The following C1orf87 variants were observed in gnomAD, a reference collection of about 807,000 sequenced individuals.
C1orf87 encodes the protein uncharacterized protein C1orf87.
C1orf87 carries 58 observed loss-of-function variants against 60.5 expected under a neutral mutation model. The observed-to-expected ratio is 0.96, with a 90% confidence interval of 0.78 to 1.19. The LOEUF is 1.19. Among genes scored for constraint, C1orf87 ranks in the 50% most tolerant of loss-of-function variants. The pLI, the probability that C1orf87 is intolerant of heterozygous loss-of-function variation, is 0.00. For synonymous variants in C1orf87, 236 were observed against 227.4 expected, an observed-to-expected ratio of 1.04 and a Z score of -0.34; for missense variants, 673 against 638.6, an observed-to-expected ratio of 1.05 and a Z score of -0.58.
intron 7 of C1orf87, among the ~76,000 whole-genome samples, chr1:60,027,016 C>T (rs901796778): frequency 3.9e-5 from 6 of 152,292 alleles, no homozygotes; most frequent in African/African-American, 1.2e-4. Flanking sequence ...TCCAACAAAA[C>T]GTTCAAAATC....
intron 7 of C1orf87, among the ~76,000 whole-genome samples, chr1:60,033,075 T>C (rs1316202390): frequency 3.3e-5 from 5 of 152,206 alleles, no homozygotes; most frequent in African/African-American, 1.2e-4. Context: ...GTAGCCTCTA[T>C]TGGCAGTAAA....
chr1:59,991,748 A>G (rs1644925017), intron 11 of C1orf87, among the ~76,000 whole-genome samples: 1 of 152,192 alleles, frequency 6.6e-6, no homozygotes, highest in Admixed American at 6.5e-5. Flanking sequence ...TGGTACCCAC[A>G]CATTATATAT....
At chr1:60,050,685 G>T (rs1645408184) in intron 3 of C1orf87, among the ~76,000 whole-genome samples, 1 of 151,942 alleles carries the variant, frequency 6.6e-6, no homozygotes, top group Non-Finnish European at 1.5e-5. Flanking sequence ...TTAAAAGCCA[G>T]CGGAGACAGT....
At position 60,042,696 on chromosome 1, in the gene C1orf87, T is replaced by C. The variant is rs543138231; in HGVS notation, c.343-1565A>G. ...AAGGTAGGTAGTACTAGCAACCTTT[T>C]ACATTTGGAAAGCCAAGGCTTGCAG... On this transcript the variant is annotated intron_variant, in intron 3 of 11. Transcript: ENST00000371201. Among the ~76,000 whole-genome samples, 45 of 152,368 alleles carry C rather than the reference T, an allele frequency of 3.0e-4. 2 individuals carry two copies. The South Asian group carries it at 7.0e-3, about 24-fold the overall frequency.
intron 3 of C1orf87, among the ~76,000 whole-genome samples, chr1:60,051,377 G>T (rs1321162836): frequency 1.3e-5 from 2 of 152,156 alleles, no homozygotes; most frequent in East Asian, 3.8e-4. Flanking sequence ...GATGTTAGTG[G>T]ATATGACACA....
At chr1:59,992,779 T>C (rs1197664029) in intron 11 of C1orf87, among the ~76,000 whole-genome samples, 2 of 152,242 alleles carry the variant, frequency 1.3e-5, no homozygotes, top group Non-Finnish European at 2.9e-5. Flanking sequence ...TACTCTCTAA[T>C]CGCTATTTTT....
At chr1:60,011,035 G>A (rs573271986) in intron 8 of C1orf87, 1 of 151,902 alleles carries the variant, frequency 6.6e-6, no homozygotes, top group Non-Finnish European at 1.5e-5. Context: ...GTTTCAGAAA[G>A]GTTCTTTCTA....
intron 3 of C1orf87, among the ~76,000 whole-genome samples, chr1:60,052,941 T>C (rs1415600776): frequency 3.3e-5 from 5 of 152,190 alleles, no homozygotes; most frequent in African/African-American, 1.2e-4. Context: ...CCACAAGGCC[T>C]TCCTTGTTTG....
chr1:59,997,766 T>G lies in C1orf87; in HGVS notation c.1323A>C (p.Ser441=). The G allele has an allele frequency of 6.2e-7, 1 of 1,613,922 alleles. No individual in the cohort carries two copies. The change falls in exon 11 of 12, where the codon TCA becomes TCC. Residue 441 remains serine (S), a synonymous_variant. Coordinates refer to ENST00000371201, the MANE Select transcript of C1orf87 (RefSeq NM_152377.3). ...LQPESSPAET[S]ACKDPLKPLK... ...AAGGTTTCAGAGGATCTTTGCAGGC[T>G]GAAGTTTCAGCAGGAGAGCTTTCTG...
chr1:60,037,997 G>C lies in C1orf87; in HGVS notation c.858C>G (p.Ser286Arg), dbSNP rs917565399. The change falls in exon 6 of 12, where the codon AGC becomes AGG. Residue 286 changes from serine to arginine, a missense_variant. Physicochemically the swap from Ser to Arg is moderately radical, Grantham distance 110. Coordinates refer to ENST00000371201, the MANE Select transcript of C1orf87 (RefSeq NM_152377.3). ...LRKTESHGTH[S>R]QSTPPQHSSS... ...ACAAAAAGGGAGAAGAGTACCTTTG[G>C]CTATGAGTGCCATGACTCTCAGTTT... is the stretch of plus-strand genomic sequence containing the variant. The C allele has an allele frequency of 1.9e-6, 3 of 1,603,418 alleles. No individual in the cohort carries two copies. The highest frequency in any genetic ancestry group is 2.7e-5 in the African/African-American group (2 of 74,748).
intron 3 of C1orf87, among the ~76,000 whole-genome samples, chr1:60,051,538 C>G (rs1387076247): frequency 6.6e-6 from 1 of 152,142 alleles, no homozygotes; most frequent in East Asian, 1.9e-4. Context: ...CACTTTAGAG[C>G]CAAGCCCAGC....
chr1:60,064,364 T>C (rs1645520990), intron 2 of C1orf87, among the ~76,000 whole-genome samples: 1 of 127,196 alleles, frequency 7.9e-6, no homozygotes, highest in South Asian at 2.7e-4. Context: ...ATATATAATA[T>C]ATATATACAC....
chr1:60,014,874 G>C (rs543306703), intron 8 of C1orf87, among the ~76,000 whole-genome samples: 48 of 152,258 alleles, frequency 3.2e-4, no homozygotes, highest in Admixed American at 3.1e-3. Flanking sequence ...ATCCCACCAA[G>C]CTCAGCTGAG....
intron 2 of C1orf87, among the ~76,000 whole-genome samples, chr1:60,058,293 A>C (rs1645471174): frequency 6.6e-6 from 1 of 152,192 alleles, no homozygotes; most frequent in Non-Finnish European, 1.5e-5. Context: ...TGTTTATTGC[A>C]TGAGTATATC....
chr1:60,051,115 C>G (rs758805601), intron 3 of C1orf87, among the ~76,000 whole-genome samples: 18 of 152,060 alleles, frequency 1.2e-4, no homozygotes, highest in South Asian at 4.2e-4. Context: ...GAACAGAACT[C>G]TATTTATGGA....
rs562209485 is a variant in C1orf87 at position 60,006,141 on chromosome 1, T to C, written c.1192+4251A>G. On this transcript the variant is annotated intron_variant, in intron 9 of 11. Coordinates refer to ENST00000371201, the MANE Select transcript of C1orf87 (RefSeq NM_152377.3). Reference sequence around the variant, plus strand: ...GTGAGCTGTGAGGATGTGATGGCCATAGCTACCATAGCTATTTTGCTATTG... The same window carrying C: ...GTGAGCTGTGAGGATGTGATGGCCACAGCTACCATAGCTATTTTGCTATTG... Among the ~76,000 whole-genome samples, 4 of 151,930 alleles carry C rather than the reference T, an allele frequency of 2.6e-5. No individual in the cohort carries two copies. The East Asian group carries it at 7.8e-4, about 30-fold the overall frequency.
intron 11 of C1orf87, among the ~76,000 whole-genome samples, chr1:59,997,311 A>G (rs1644969987): frequency 6.6e-6 from 1 of 152,154 alleles, no homozygotes; most frequent in Admixed American, 6.6e-5. Flanking sequence ...TCATCCTCTT[A>G]TCAGTGGGGT....
At chr1:60,069,326 C>A (rs1367381697) in intron 2 of C1orf87, among the ~76,000 whole-genome samples, 1 of 152,096 alleles carries the variant, frequency 6.6e-6, no homozygotes, top group African/African-American at 2.4e-5. Flanking sequence ...AGGAAGGGAG[C>A]TGAGGTTCTG....
At position 60,025,518 on chromosome 1, in the gene C1orf87, A is replaced by C; in HGVS notation, c.1030-20T>G. 2 of 1,544,302 alleles carry C rather than the reference A, an allele frequency of 1.3e-6. No individual in the cohort carries two copies. The highest frequency in any genetic ancestry group is 1.8e-6 in the Non-Finnish European group (2 of 1,139,934). On this transcript the variant is annotated intron_variant, in intron 7 of 11. Transcript: ENST00000371201. ...CCTGACCTACAAGTTAAAAAAAAAT[A>C]AAAAAGATTTGATGTTTCACTAGGA...
Sources: allele counts gnomAD v4.1 joint callset (sites outside exome capture counted in the v4.1 genomes callset), GRCh38; gene constraint gnomAD v4.1.1; transcripts MANE v1.5; gene names NCBI Gene and HGNC (gene_info 2026-07-23, HGNC 2026-07-21).